The following TNIP3 variants were observed in gnomAD, a reference collection of about 807,000 sequenced individuals.
The protein encoded by TNIP3 is TNFAIP3 interacting protein 3.
A neutral mutation model predicts 54.1 loss-of-function variants in TNIP3; 34 were observed. The observed-to-expected ratio is 0.63, with a 90% confidence interval of 0.48 to 0.84. The LOEUF is 0.84. Ranked by LOEUF, TNIP3 falls within the 40% of genes least tolerant of loss-of-function variation. The pLI is 0.00. For missense variants in TNIP3, 366 were observed against 387.6 expected, an observed-to-expected ratio of 0.94 and a Z score of 0.47; for synonymous variants, 134 against 136.8, an observed-to-expected ratio of 0.98 and a Z score of 0.14.
At chr4:121,139,835 G>A (rs909541987) in intron 9 of TNIP3, among the ~76,000 whole-genome samples, 9 of 152,190 alleles carry the variant, frequency 5.9e-5, no homozygotes, top group Non-Finnish European at 4.4e-5. Context: ...TAGGATAAGT[G>A]ACGTGAGCCT....
chr4:121,220,036 T>C (rs892482137), upstream of TNIP3, among the ~76,000 whole-genome samples: 2 of 152,170 alleles, frequency 1.3e-5, no homozygotes, highest in Non-Finnish European at 2.9e-5. Context: ...TGTATCCATA[T>C]ATAATAAATA....
chr4:121,137,244 T>C (rs536779630), intron 10 of TNIP3, among the ~76,000 whole-genome samples: 3 of 152,214 alleles, frequency 2.0e-5, no homozygotes, highest in Admixed American at 2.0e-4. Context: ...CAGAGCAATA[T>C]AAAATGGAAA....
chr4:121,177,459 T>C (rs1339007865), intron 3 of TNIP3, among the ~76,000 whole-genome samples: 1 of 152,226 alleles, frequency 6.6e-6, no homozygotes, highest in African/African-American at 2.4e-5. Context: ...TCTCTTATAG[T>C]AATTCTTCTT....
intron 1 of TNIP3, among the ~76,000 whole-genome samples, chr4:121,226,354 T>A (rs987576780): frequency 1.3e-5 from 2 of 152,228 alleles, no homozygotes; most frequent in Non-Finnish European, 2.9e-5. Flanking sequence ...TTCATTAAAA[T>A]TCTGATATAA....
At chr4:121,182,612 T>G (rs974841196) in intron 3 of TNIP3, 2 of 1,515,304 alleles carry the variant, frequency 1.3e-6, no homozygotes, top group East Asian at 4.9e-5. Context: ...CTCCACAAAT[T>G]CTTCTTGATG....
chr4:121,152,782 A>G (rs866991595), intron 5 of TNIP3, among the ~76,000 whole-genome samples: 2 of 152,192 alleles, frequency 1.3e-5, no homozygotes, highest in African/African-American at 4.8e-5. Flanking sequence ...TTTCAACCCC[A>G]AAGTTTATTT....
intron 3 of TNIP3, among the ~76,000 whole-genome samples, chr4:121,173,029 A>G (rs1029461557): frequency 2.6e-4 from 40 of 152,212 alleles, no homozygotes; most frequent in African/African-American, 9.2e-4. Context: ...GAATTTAGAG[A>G]TGGCAAATGA....
intron 1 of TNIP3, among the ~76,000 whole-genome samples, chr4:121,224,362 C>CAA (rs1436879443): frequency 1.5e-4 from 13 of 88,540 alleles, no homozygotes; most frequent in African/African-American, 5.9e-4. Context: ...GACTCTGTCT[C>CAA]AAAAAATAAA....
At chr4:121,172,329 G>A (rs547619680) in intron 3 of TNIP3, among the ~76,000 whole-genome samples, 14 of 152,196 alleles carry the variant, frequency 9.2e-5, no homozygotes, top group Non-Finnish European at 2.1e-4. Flanking sequence ...GTTTGAGGAG[G>A]CCTCAGAGTC....
At chr4:121,219,837 A>G (rs920788829), upstream of TNIP3, among the ~76,000 whole-genome samples, 1 of 152,226 alleles carries the variant, frequency 6.6e-6, no homozygotes, top group Non-Finnish European at 1.5e-5. Flanking sequence ...CTAGAAGCTG[A>G]CAAGGCATAT....
chr4:121,222,386 T>C (rs1201952507), intron 1 of TNIP3, among the ~76,000 whole-genome samples: 1 of 152,196 alleles, frequency 6.6e-6, no homozygotes, highest in Non-Finnish European at 1.5e-5. Flanking sequence ...GGAAGGATGA[T>C]TGGGTTTAGA....
chr4:121,216,337 T>C (rs565064263), intron 2 of TNIP3: 1 of 1,236,464 alleles, frequency 8.1e-7, no homozygotes. Context: ...TAATACACTA[T>C]CATTGCCACA....
chr4:121,157,101 C>T lies in TNIP3; in HGVS notation c.356G>A (p.Arg119Gln). The change falls in exon 4 of 11, where the codon CGG (arginine) becomes CAG (glutamine). Residue 119 changes from arginine to glutamine, a missense_variant. Transcript: ENST00000057513. ...GACCCGGGCCCCGCCCACCTCCTCC[C>T]GCTGCAGCCGGTCCCGGGTCAGGTC... ...QRDLTRDRLQ[R>Q]EEKEKERLNE... 1.2e-6 allele frequency: 2 copies of T among 1,613,398 alleles called. No homozygotes were observed. Among genetic ancestry groups the T allele is most frequent in the Admixed American group, 1.7e-5 (1 of 59,996 alleles).
At chr4:121,170,251 C>T (rs984173175) in intron 3 of TNIP3, among the ~76,000 whole-genome samples, 2 of 152,190 alleles carry the variant, frequency 1.3e-5, no homozygotes, top group African/African-American at 2.4e-5. Context: ...TCACTTTAGC[C>T]TTAGGAACTA....
chr4:121,217,574 C>T (rs1355282437), upstream of TNIP3, among the ~76,000 whole-genome samples: 1 of 152,020 alleles, frequency 6.6e-6, no homozygotes, highest in African/African-American at 2.4e-5. Context: ...AGGAGTTGGA[C>T]CACCAACTAG....
At chr4:121,135,461 G>T (rs1334134285) in intron 10 of TNIP3, among the ~76,000 whole-genome samples, 2 of 152,160 alleles carry the variant, frequency 1.3e-5, no homozygotes, top group Non-Finnish European at 2.9e-5. Flanking sequence ...GCAGTGGCGT[G>T]ATCTCACCTC....
At chr4:121,141,764 A>G in intron 9 of TNIP3, 52 bp downstream of exon 9, 2 of 1,226,348 alleles carry the variant, frequency 1.6e-6, no homozygotes, top group South Asian at 4.0e-5. Context: ...GATGCACATA[A>G]TTTCTACCAA....
chr4:121,162,072 T>C (rs1331163852), intron 1 of TNIP3, among the ~76,000 whole-genome samples: 1 of 152,228 alleles, frequency 6.6e-6, no homozygotes, highest in Non-Finnish European at 1.5e-5. Context: ...TCAGGCTTAA[T>C]AGTTACTGTG....
intron 2 of TNIP3, among the ~76,000 whole-genome samples, chr4:121,210,270 A>G (rs6837596): frequency 0.46 from 69,819 of 152,080 alleles, 18,223 homozygotes; most frequent in East Asian, 0.73. Context: ...TAGAGATAAA[A>G]TAAGTCCTTG....
Sources: allele counts gnomAD v4.1 joint callset (sites outside exome capture counted in the v4.1 genomes callset), GRCh38; gene constraint gnomAD v4.1.1; transcripts MANE v1.5; gene names NCBI Gene and HGNC (gene_info 2026-07-23, HGNC 2026-07-21).